Variants in RNF150 observed in about 807,000 individuals in gnomAD.
RNF150 encodes ring finger protein 150.
A neutral mutation model predicts 39.3 loss-of-function variants in RNF150; 24 were observed. The observed-to-expected ratio is 0.61, with a 90% CI of 0.44 to 0.86. The LOEUF (loss-of-function observed/expected upper bound fraction) is 0.86. RNF150 is among the 40% of genes least tolerant of loss of function. The probability of loss-of-function intolerance (pLI) is 0.00; values close to 1 mark genes in which losing one functional copy is unlikely to be tolerated. For synonymous variants in RNF150, 255 were observed against 227.3 expected, an observed-to-expected ratio of 1.12 and a Z score of -1.10; for missense variants, 502 against 587.8, an observed-to-expected ratio of 0.85 and a Z score of 1.51.
At chr4:140,968,532 T>C (rs2111425698) in intron 1 of RNF150, among the ~76,000 whole-genome samples, 1 of 151,862 alleles carries the variant, frequency 6.6e-6, no homozygotes, top group African/African-American at 2.4e-5. Context: ...CTGAACCACG[T>C]ACCAAGCAAA....
chr4:141,132,531 G>A lies in RNF150; in HGVS notation c.278C>T (p.Ala93Val). ...GGCCAGGCGGTCGTGGGCCGAGCTG[G>A]CCATGACCACCTCCCCGCGGGCGTC... Reference protein sequence around the residue: ...KQDARGEVVMASSAHDRLACD... With the variant: ...KQDARGEVVMVSSAHDRLACD... The change falls in exon 1 of 7, where the codon GCC becomes GTC. Residue 93 changes from alanine to valine, a missense_variant. Coordinates refer to ENST00000515673, the MANE Select transcript of RNF150 (RefSeq NM_020724.2). This position sits in a 1 kb window ranked among gnomAD's most constrained non-coding sequence, Gnocchi z 4.9. 6.3e-7 allele frequency: 1 copy of A among 1,599,506 alleles called. No individual in the cohort carries two copies. The highest frequency in any genetic ancestry group is 8.5e-7 in the Non-Finnish European group (1 of 1,174,062).
At chr4:141,185,562 C>T (rs1727992756) in intron 1 of RNF150, among the ~76,000 whole-genome samples, 1 of 152,106 alleles carries the variant, frequency 6.6e-6, no homozygotes, top group South Asian at 2.1e-4. Flanking sequence ...ACTTCCAATA[C>T]TATGTTTAAT....
chr4:141,059,732 A>T (rs1182681564), intron 1 of RNF150, among the ~76,000 whole-genome samples: 3 of 152,164 alleles, frequency 2.0e-5, no homozygotes, highest in Admixed American at 6.5e-5. Flanking sequence ...GAGGAATTTC[A>T]TAACAAAAAA....
At chr4:140,871,021 TACAC>T (rs146589962) in intron 6 of RNF150, among the ~76,000 whole-genome samples, 6 of 149,920 alleles carry the variant, frequency 4.0e-5, no homozygotes, top group Non-Finnish European at 8.9e-5. Flanking sequence ...TATATATGTA[TACAC>T]ACACACACAC....
chr4:141,209,755 G>A (rs1199915823), intron 1 of RNF150, among the ~76,000 whole-genome samples: 1 of 151,612 alleles, frequency 6.6e-6, no homozygotes, highest in Non-Finnish European at 1.5e-5. Flanking sequence ...CACCCAAAAT[G>A]GGGGGGTATC....
At chr4:140,941,087 A>C (rs2111357115) in intron 4 of RNF150, among the ~76,000 whole-genome samples, 1 of 152,088 alleles carries the variant, frequency 6.6e-6, no homozygotes, top group African/African-American at 2.4e-5. Flanking sequence ...AAATAATAAG[A>C]ATAGAGACAT....
intron 4 of RNF150, among the ~76,000 whole-genome samples, chr4:140,943,787 G>A (rs1732180287): frequency 6.6e-6 from 1 of 152,080 alleles, no homozygotes; most frequent in Non-Finnish European, 1.5e-5. Flanking sequence ...TTATCAAGAG[G>A]GTGTGCTTAT....
At chr4:141,174,888 A>G (rs1350152152) in intron 1 of RNF150, among the ~76,000 whole-genome samples, 1 of 48,392 alleles carries the variant, frequency 2.1e-5, no homozygotes, top group Non-Finnish European at 6.9e-5. Context: ...CTGTATCAGG[A>G]AAAAAAAAAA....
intron 1 of RNF150, among the ~76,000 whole-genome samples, chr4:141,125,818 C>T (rs921400294): frequency 6.6e-6 from 1 of 152,114 alleles, no homozygotes; most frequent in Non-Finnish European, 1.5e-5. Flanking sequence ...TTTTAAGACA[C>T]AGCCACTAGG....
chr4:140,952,277 G>A (rs918443778), intron 2 of RNF150, among the ~76,000 whole-genome samples: 23 of 152,156 alleles, frequency 1.5e-4, no homozygotes, highest in African/African-American at 5.6e-4. Context: ...CTCCCAAAGT[G>A]CTGGGATTAC....
intron 4 of RNF150, among the ~76,000 whole-genome samples, chr4:140,928,234 T>C (rs2111326703): frequency 6.6e-6 from 1 of 152,320 alleles, no homozygotes; most frequent in African/African-American, 2.4e-5. Flanking sequence ...TGTTAAGTAC[T>C]ACATTAGAAT....
At chr4:141,212,540 A>G (rs552485191) in intron 1 of RNF150, among the ~76,000 whole-genome samples, 1 of 152,108 alleles carries the variant, frequency 6.6e-6, no homozygotes, top group Non-Finnish European at 1.5e-5. Flanking sequence ...CACCCTACTT[A>G]GATACAAAGA....
At chr4:141,183,486 T>C (rs1727946491) in intron 1 of RNF150, among the ~76,000 whole-genome samples, 1 of 152,294 alleles carries the variant, frequency 6.6e-6, no homozygotes, top group South Asian at 2.1e-4. Flanking sequence ...AGGTCCCTAA[T>C]CAGTTGATTT....
chr4:141,045,348 C>T (rs531914910), intron 1 of RNF150, among the ~76,000 whole-genome samples: 15 of 152,300 alleles, frequency 9.8e-5, no homozygotes, highest in Non-Finnish European at 1.6e-4. Flanking sequence ...CTAAATTTAA[C>T]TCAATGAACA....
At chr4:141,193,528 C>A (rs895721034) in intron 1 of RNF150, among the ~76,000 whole-genome samples, 14 of 152,178 alleles carry the variant, frequency 9.2e-5, no homozygotes, top group Non-Finnish European at 1.3e-4. Flanking sequence ...CTATTCTGGG[C>A]ACTGGGGATA....
At chr4:141,013,293 T>C (rs917411926) in intron 1 of RNF150, among the ~76,000 whole-genome samples, 11 of 152,178 alleles carry the variant, frequency 7.2e-5, no homozygotes, top group African/African-American at 2.4e-4. Context: ...CATGATACAA[T>C]GATGGTATTT....
At chr4:141,180,193 C>T (rs1727882340) in intron 1 of RNF150, among the ~76,000 whole-genome samples, 1 of 152,164 alleles carries the variant, frequency 6.6e-6, no homozygotes, top group African/African-American at 2.4e-5. Context: ...GTCTCTGATT[C>T]TCATGGTTCT....
intron 1 of RNF150, among the ~76,000 whole-genome samples, chr4:141,163,141 G>C (rs559230591): frequency 6.6e-6 from 1 of 152,288 alleles, no homozygotes; most frequent in East Asian, 1.9e-4. Context: ...CATTACTAAG[G>C]CTTGAGTAGG....
intron 1 of RNF150, among the ~76,000 whole-genome samples, chr4:141,025,395 T>A (rs1243658167): frequency 6.6e-6 from 1 of 152,084 alleles, no homozygotes; most frequent in Non-Finnish European, 1.5e-5. Flanking sequence ...TGTAATCCCA[T>A]AACTAGATGA....
Sources: gnomAD v4.1 joint callset for allele counts (sites outside exome capture counted in the v4.1 genomes callset) on GRCh38, gnomAD v4.1.1 for gene constraint, Gnocchi (gnomAD v3.1) non-coding constraint, MANE v1.5 for transcripts, NCBI Gene and HGNC (gene_info 2026-07-23, HGNC 2026-07-21) for gene names.